The following DLGAP2 variants were observed in gnomAD, a reference collection of about 807,000 sequenced individuals.
DLGAP2 encodes DLG associated protein 2.
In DLGAP2, 26 loss-of-function variants were observed where a neutral mutation model predicts 100.3. The observed-to-expected ratio is 0.26, with a 90% CI of 0.19 to 0.36. The LOEUF is 0.36. DLGAP2 is among the 10% of genes least tolerant of loss of function. DLGAP2 has a pLI of 1.00. For synonymous variants in DLGAP2, 886 were observed against 630.1 expected (o/e 1.41, Z -6.08); for missense variants, 1,858 against 1,453.2 (o/e 1.28, Z -4.53).
At chr8:1,673,828 T>TA (rs1380604519) in intron 10 of DLGAP2, among the ~76,000 whole-genome samples, 19 of 152,326 alleles carry the variant, frequency 1.2e-4, no homozygotes, top group African/African-American at 4.6e-4. Context: ...AAATTCACTA[T>TA]AAAAAATAAC....
At chr8:1,409,928 C>T (rs900576206) in intron 3 of DLGAP2, among the ~76,000 whole-genome samples, 6 of 152,174 alleles carry the variant, frequency 3.9e-5, no homozygotes, top group East Asian at 1.9e-4. Context: ...GGCTTCTCAG[C>T]CTCCATAATC....
intron 2 of DLGAP2, among the ~76,000 whole-genome samples, chr8:1,204,540 TTG>T (rs1288961229): frequency 2.6e-5 from 4 of 151,176 alleles, no homozygotes; most frequent in Admixed American, 1.3e-4. Context: ...CAAAGAACAC[TTG>T]TGTGTGTGTG....
intron 2 of DLGAP2, among the ~76,000 whole-genome samples, chr8:1,136,486 G>A (rs1796415934): frequency 6.6e-6 from 1 of 152,162 alleles, no homozygotes; most frequent in African/African-American, 2.4e-5. Context: ...TCGTCAGGCT[G>A]GCTCTGCATA....
At chr8:770,949 GTCT>G (rs1821340671) in intron 1 of DLGAP2, among the ~76,000 whole-genome samples, 1 of 151,810 alleles carries the variant, frequency 6.6e-6, no homozygotes, top group Non-Finnish European at 1.5e-5. Context: ...GGTTGATGTG[GTCT>G]TCTTAGTGTA....
At chr8:1,391,849 C>G (rs952988611) in intron 3 of DLGAP2, among the ~76,000 whole-genome samples, 1 of 152,260 alleles carries the variant, frequency 6.6e-6, no homozygotes, top group Non-Finnish European at 1.5e-5. Context: ...TGCTGCATCT[C>G]CAAGACCCGA....
At chr8:1,439,365 A>C (rs1448524144) in intron 3 of DLGAP2, among the ~76,000 whole-genome samples, 2 of 152,192 alleles carry the variant, frequency 1.3e-5, no homozygotes, top group Admixed American at 1.3e-4. Context: ...ATGACAGCAC[A>C]GTCATTGCCA....
intron 2 of DLGAP2, among the ~76,000 whole-genome samples, chr8:984,048 G>C (rs1181699708): frequency 6.6e-6 from 1 of 152,118 alleles, no homozygotes; most frequent in African/African-American, 2.4e-5. Context: ...GTGTGCGGGC[G>C]GTCACTCCTC....
intron 3 of DLGAP2, among the ~76,000 whole-genome samples, chr8:1,307,457 A>G (rs1488561043): frequency 6.6e-6 from 1 of 152,342 alleles, no homozygotes; most frequent in East Asian, 1.9e-4. Context: ...GGAAAATGAT[A>G]TGGTGAGTCT....
At position 1,097,608 on chromosome 8, in the gene DLGAP2, C is replaced by G. The variant is rs544518457; in HGVS notation, c.74-161243C>G. 5.4e-4 allele frequency among the ~76,000 whole-genome samples: 75 copies of G among 138,744 alleles called. 6 individuals are homozygous for G. The highest frequency in any genetic ancestry group is 2.0e-3 in the African/African-American group (72 of 35,396). 91.0% of individuals were successfully genotyped at this position (138,744 alleles called of 152,430 possible). A position where few individuals can be genotyped will look rare whatever the true frequency, so the allele number is the denominator to read the frequency against. ...CCTCTGTGGCATGGAGAGGTCCCCTCCAGTGTGAGACCCAGCTCCCTCTGC... is the reference window on the plus strand; with the variant it reads ...CCTCTGTGGCATGGAGAGGTCCCCTGCAGTGTGAGACCCAGCTCCCTCTGC... On this transcript the variant is annotated intron_variant, in intron 2 of 14. Coordinates refer to ENST00000637795, the MANE Select transcript of DLGAP2 (RefSeq NM_001346810.2).
At chr8:993,628 C>G (rs555292273) in intron 2 of DLGAP2, among the ~76,000 whole-genome samples, 50 of 152,240 alleles carry the variant, frequency 3.3e-4, no homozygotes, top group Middle Eastern at 3.4e-3. Context: ...TATCCTTTCT[C>G]CTGTATCAAG....
intron 3 of DLGAP2, among the ~76,000 whole-genome samples, chr8:1,445,797 T>C (rs1051975509): frequency 1.1e-4 from 17 of 152,194 alleles, no homozygotes; most frequent in African/African-American, 4.1e-4. Flanking sequence ...TGGTGTGAGA[T>C]GGTATCTCAC....
At chr8:1,644,973 T>G (rs1478485381) in intron 8 of DLGAP2, among the ~76,000 whole-genome samples, 1 of 152,244 alleles carries the variant, frequency 6.6e-6, no homozygotes, top group East Asian at 1.9e-4. Flanking sequence ...CTGGGCACAG[T>G]GGCTCACGCC....
chr8:896,473 G>T (rs1175452043), intron 1 of DLGAP2, among the ~76,000 whole-genome samples: 2 of 152,066 alleles, frequency 1.3e-5, no homozygotes, highest in Non-Finnish European at 2.9e-5. Context: ...TAATTTTGGG[G>T]TACCCATCCG....
At chr8:905,593 G>A (rs946873817) in intron 1 of DLGAP2, among the ~76,000 whole-genome samples, 2 of 152,158 alleles carry the variant, frequency 1.3e-5, no homozygotes, top group Non-Finnish European at 2.9e-5. Flanking sequence ...TGAGGGCCCT[G>A]CCTGTCCCTG....
At chr8:940,219 T>G (rs1489938639) in intron 2 of DLGAP2, among the ~76,000 whole-genome samples, 1 of 152,046 alleles carries the variant, frequency 6.6e-6, no homozygotes, top group Non-Finnish European at 1.5e-5. Flanking sequence ...AGTTTCCATT[T>G]CACCTTTAAA....
chr8:938,303 T>A (rs1329154147), intron 2 of DLGAP2, among the ~76,000 whole-genome samples: 1 of 152,158 alleles, frequency 6.6e-6, no homozygotes, highest in East Asian at 1.9e-4. Context: ...GCTTAAGCGA[T>A]CCTCCTTCCT....
At chr8:1,143,697 C>T (rs1796559301) in intron 2 of DLGAP2, among the ~76,000 whole-genome samples, 1 of 152,202 alleles carries the variant, frequency 6.6e-6, no homozygotes, top group African/African-American at 2.4e-5. Context: ...GGATGCTACA[C>T]GCTGGCCACC....
chr8:1,468,007 C>T (rs1798672904), intron 3 of DLGAP2, among the ~76,000 whole-genome samples: 1 of 152,246 alleles, frequency 6.6e-6, no homozygotes, highest in Non-Finnish European at 1.5e-5. Flanking sequence ...GCCTCCTGTT[C>T]TAAGAGAGAA....
In DLGAP2 at chr8:1,703,719, T is replaced by A. The variant is rs1799634124; in HGVS notation, c.*2313T>A. 1 of 152,236 alleles carries A rather than the reference T, an allele frequency of 6.6e-6. No homozygotes were observed. Among genetic ancestry groups the A allele is most frequent in the Admixed American group, 6.5e-5 (1 of 15,280 alleles). The allele number at this position is 152,236 out of a possible 1,614,324, so 9.4% of individuals were successfully genotyped here. ...ATAATTATTTGTCTCAGATCCCAGA[T>A]TCTATGATCCCTGCTTAAAAGAAAA... On this transcript the variant is annotated 3_prime_UTR_variant, in exon 15 of 15. Transcript: ENST00000637795.
Sources: allele counts gnomAD v4.1 joint callset (sites outside exome capture counted in the v4.1 genomes callset), GRCh38; gene constraint gnomAD v4.1.1; transcripts MANE v1.5; gene names NCBI Gene and HGNC (gene_info 2026-07-23, HGNC 2026-07-21).